Variants in TUSC3 observed in about 807,000 individuals in gnomAD.
TUSC3 encodes the protein tumor suppressor candidate 3.
A neutral mutation model predicts 44.8 loss-of-function variants in TUSC3; 45 were observed. That is an observed-to-expected ratio of 1.00 (90% confidence interval 0.79 to 1.29). The LOEUF (loss-of-function observed/expected upper bound fraction) is 1.29, where lower values mean the gene tolerates loss of function less well. Among genes scored for constraint, TUSC3 ranks in the 50% most tolerant of loss-of-function variants. The pLI is 0.00. For synonymous variants in TUSC3, 212 were observed against 152.9 expected (o/e 1.39, Z -2.85); for missense variants, 519 against 437.9 (o/e 1.19, Z -1.65).
chr8:15,581,307 T>G (rs1319468828), intron 1 of TUSC3, among the ~76,000 whole-genome samples: 1 of 148,808 alleles, frequency 6.7e-6, no homozygotes, highest in Admixed American at 6.7e-5. Flanking sequence ...TGAAGCCTTC[T>G]TCTCTCAGCT....
At chr8:15,716,184 A>G (rs889275212) in intron 6 of TUSC3, among the ~76,000 whole-genome samples, 1 of 152,202 alleles carries the variant, frequency 6.6e-6, no homozygotes, top group Admixed American at 6.5e-5. Context: ...TGAGCCCAGT[A>G]GGTGGAGGTT....
intron 1 of TUSC3, among the ~76,000 whole-genome samples, chr8:15,423,965 C>CTTTTT (rs1483156683): frequency 8.3e-5 from 1 of 12,036 alleles, no homozygotes; most frequent in African/African-American, 2.5e-4. Context: ...TACTGTTTTG[C>CTTTTT]TTTGTTTTTT....
intron 1 of TUSC3, among the ~76,000 whole-genome samples, chr8:15,441,888 T>C (rs28605447): frequency 0.16 from 24,701 of 152,088 alleles, 2,080 homozygotes; most frequent in Middle Eastern, 0.22. Context: ...ATACCAGCTA[T>C]ATGAATGGAT....
the TUSC3 span, chr8:15,806,484 C>G: frequency 6.3e-6 from 6 of 958,126 alleles, no homozygotes; most frequent in Non-Finnish European, 8.5e-6. Flanking sequence ...CAGGTGTCGA[C>G]TATTTCATTG....
intron 10 of TUSC3, among the ~76,000 whole-genome samples, chr8:15,760,421 G>T (rs373541012): frequency 6.6e-5 from 10 of 152,272 alleles, no homozygotes; most frequent in African/African-American, 2.4e-4. Context: ...TAATATCAAT[G>T]TATGAATTGC....
At position 15,747,358 on chromosome 8, in the gene TUSC3, G is replaced by A. The variant is rs1218385561; in HGVS notation, c.938-1017G>A. ...TTAGAATTCTCTGAAGTGAATAAAA[G>A]GTGTATTGTGCAAATTATGTGTTCT... On this transcript the variant is annotated intron_variant, in intron 8 of 10. Transcript: ENST00000503731. Among the ~76,000 whole-genome samples, 4 of 151,822 alleles carry A rather than the reference G, an allele frequency of 2.6e-5. No individual in the cohort carries two copies. The East Asian group carries it at 5.8e-4, about 22-fold the overall frequency.
intron 6 of TUSC3, among the ~76,000 whole-genome samples, chr8:15,697,827 C>T (rs1809236399): frequency 6.6e-6 from 1 of 152,188 alleles, no homozygotes; most frequent in Non-Finnish European, 1.5e-5. Context: ...TAGTAACTAG[C>T]AGACTTAGCT....
At chr8:15,447,063 AT>A (rs979356993) in intron 1 of TUSC3, among the ~76,000 whole-genome samples, 2 of 152,070 alleles carry the variant, frequency 1.3e-5, no homozygotes, top group African/African-American at 4.8e-5. Flanking sequence ...GAAAAAAAAA[AT>A]AGGATAAGAT....
chr8:15,807,071 G>C, the TUSC3 span: 9 of 1,388,028 alleles, frequency 6.5e-6, no homozygotes. Context: ...AATGCTCACA[G>C]CAGTATTTGG....
At chr8:15,543,972 C>G (rs1368268704) in intron 1 of TUSC3, among the ~76,000 whole-genome samples, 1 of 151,728 alleles carries the variant, frequency 6.6e-6, no homozygotes, top group African/African-American at 2.4e-5. Context: ...TACACATATG[C>G]TTCTTCGTGA....
intron 2 of TUSC3, among the ~76,000 whole-genome samples, chr8:15,647,301 T>G (rs1806676273): frequency 6.6e-6 from 1 of 152,198 alleles, no homozygotes; most frequent in Non-Finnish European, 1.5e-5. Context: ...CTCAAAAGAA[T>G]ATATTTAAAT....
Position 15,764,228 on chromosome 8 carries a change from G to A in TUSC3, c.*72G>A. 11 of 1,606,326 alleles carry A rather than the reference G, an allele frequency of 6.8e-6. No individual in the cohort carries two copies. Among genetic ancestry groups the A allele is most frequent in the Non-Finnish European group, 9.4e-6 (11 of 1,174,446 alleles). ...CTTTTTAATTAAATGAAGCCAAGTGGGATTTGCATAAAGTGAATGTTTACC... is the reference window on the plus strand; with the variant it reads ...CTTTTTAATTAAATGAAGCCAAGTGAGATTTGCATAAAGTGAATGTTTACC... On this transcript the variant is annotated 3_prime_UTR_variant, in exon 11 of 11. Coordinates refer to ENST00000503731, the MANE Select transcript of TUSC3 (RefSeq NM_006765.4).
rs764864736 is a variant in TUSC3 at position 15,477,104 on chromosome 8, C to A, written n.92-6282C>A. Among the ~76,000 whole-genome samples, 4 of 152,122 alleles carry A rather than the reference C, an allele frequency of 2.6e-5. 1 individual carries two copies. Among genetic ancestry groups the A allele is most frequent in the Non-Finnish European group, 5.9e-5 (4 of 68,028 alleles). ...GGTTGCAAAGGAAGTAGTCTTCAGT[C>A]CTTTTGTTACTTAGGTGTGGAAAGT... is the stretch of plus-strand genomic sequence containing the variant. On this transcript the variant is annotated intron_variant and non_coding_transcript_variant, in intron 1 of 5. Transcript: ENST00000503191.
At chr8:15,758,105 C>A in intron 10 of TUSC3, 4 of 1,247,362 alleles carry the variant, frequency 3.2e-6, no homozygotes, top group Non-Finnish European at 4.0e-6. Flanking sequence ...GCAATGCTTC[C>A]ACCCCCAACA....
intron 2 of TUSC3, among the ~76,000 whole-genome samples, chr8:15,487,299 T>C (rs1404823424): frequency 6.6e-6 from 1 of 152,202 alleles, no homozygotes; most frequent in African/African-American, 2.4e-5. Flanking sequence ...CTTCTGAGTA[T>C]CTTGAGAGCA....
At chr8:15,677,878 G>T (rs919376766) in intron 6 of TUSC3, among the ~76,000 whole-genome samples, 1 of 152,224 alleles carries the variant, frequency 6.6e-6, no homozygotes, top group Non-Finnish European at 1.5e-5. Context: ...GGTTGGAGAG[G>T]CCTCGTCTGC....
the TUSC3 span, among the ~76,000 whole-genome samples, chr8:15,785,604 G>T: frequency 6.6e-6 from 1 of 151,970 alleles, no homozygotes; most frequent in Admixed American, 6.6e-5. Context: ...TGAAAACTGC[G>T]CAATCTGAGC....
At chr8:15,671,348 A>T (rs1170449826) in intron 5 of TUSC3, among the ~76,000 whole-genome samples, 1 of 151,986 alleles carries the variant, frequency 6.6e-6, no homozygotes, top group Non-Finnish European at 1.5e-5. Flanking sequence ...AGTCAAATTG[A>T]TTGCAAAATT....
chr8:15,809,587 A>G, the TUSC3 span, among the ~76,000 whole-genome samples: 5 of 152,340 alleles, frequency 3.3e-5, no homozygotes, highest in African/African-American at 4.8e-5. Flanking sequence ...TAGTTTATCA[A>G]TTAGGCACAG....
Sources: gnomAD v4.1 joint callset for allele counts (sites outside exome capture counted in the v4.1 genomes callset) on GRCh38, gnomAD v4.1.1 for gene constraint, MANE v1.5 for transcripts, NCBI Gene and HGNC (gene_info 2026-07-23, HGNC 2026-07-21) for gene names.